Variants in ZCWPW2 observed in about 807,000 individuals in gnomAD.
The protein encoded by ZCWPW2 is zinc finger CW-type PWWP domain protein 2.
In ZCWPW2, 45 loss-of-function variants were observed where a neutral mutation model predicts 46.6. The ratio of observed to expected loss-of-function variants is 0.96; its 90% CI spans 0.76 to 1.24. The LOEUF (loss-of-function observed/expected upper bound fraction) is 1.24, where lower values mean the gene tolerates loss of function less well. Ranked by LOEUF, ZCWPW2 falls within the 50% of genes most tolerant of loss-of-function variation. ZCWPW2 has a pLI of 0.00. For missense variants in ZCWPW2, 429 were observed against 403.9 expected (o/e 1.06, Z -0.53); for synonymous variants, 152 against 137.1 (o/e 1.11, Z -0.76).
At chr3:28,423,627 A>G (rs2125750677) in intron 3 of ZCWPW2, among the ~76,000 whole-genome samples, 1 of 151,798 alleles carries the variant, frequency 6.6e-6, no homozygotes, top group African/African-American at 2.4e-5. Flanking sequence ...CGGCCTCCCA[A>G]AGTGCTGGAA....
At chr3:28,445,370 C>A (rs989586702) in intron 4 of ZCWPW2, among the ~76,000 whole-genome samples, 3 of 151,764 alleles carry the variant, frequency 2.0e-5, no homozygotes, top group African/African-American at 7.3e-5. Context: ...TATTTTTGGG[C>A]AAACAACATA....
At chr3:28,490,329 A>T (rs1482368128) in intron 5 of ZCWPW2, among the ~76,000 whole-genome samples, 1 of 152,142 alleles carries the variant, frequency 6.6e-6, no homozygotes, top group Non-Finnish European at 1.5e-5. Context: ...ATCTATACCC[A>T]AAGAAATATA....
intron 2 of ZCWPW2, among the ~76,000 whole-genome samples, chr3:28,401,881 A>G (rs1463062720): frequency 6.6e-6 from 1 of 152,084 alleles, no homozygotes; most frequent in Admixed American, 6.5e-5. Flanking sequence ...ATAAACGACC[A>G]TAGTGATACA....
At chr3:28,421,915 T>G (rs963761492) in intron 3 of ZCWPW2, among the ~76,000 whole-genome samples, 1 of 150,912 alleles carries the variant, frequency 6.6e-6, no homozygotes, top group Admixed American at 6.6e-5. Flanking sequence ...TCCAGAGCCC[T>G]TATTTTATTG....
intron 1 of ZCWPW2, among the ~76,000 whole-genome samples, chr3:28,351,415 T>A (rs1248019976): frequency 6.6e-6 from 1 of 151,620 alleles, no homozygotes; most frequent in African/African-American, 2.4e-5. Context: ...TAGCTTGGAC[T>A]TCAAAGCAAT....
chr3:28,495,115 C>T (rs962100488), intron 6 of ZCWPW2, among the ~76,000 whole-genome samples: 9 of 151,198 alleles, frequency 6.0e-5, no homozygotes, highest in East Asian at 2.0e-4. Context: ...GAGCCCGCAT[C>T]GCCAAGTCAA....
chr3:28,369,143 T>C (rs1012645202), intron 1 of ZCWPW2, among the ~76,000 whole-genome samples: 1 of 152,146 alleles, frequency 6.6e-6, no homozygotes. Context: ...TCATCTGAAG[T>C]CTTCTTCTCT....
At chr3:28,447,464 A>G (rs1358250655) in intron 4 of ZCWPW2, among the ~76,000 whole-genome samples, 1 of 150,140 alleles carries the variant, frequency 6.7e-6, no homozygotes, top group Non-Finnish European at 1.5e-5. Context: ...TCATGATTTA[A>G]AAAAAAAAAC....
chr3:28,459,220 A>G (rs920334424), intron 4 of ZCWPW2, among the ~76,000 whole-genome samples: 1 of 152,090 alleles, frequency 6.6e-6, no homozygotes, highest in Non-Finnish European at 1.5e-5. Context: ...AATACAAAAA[A>G]TTAGCCAGGC....
intron 5 of ZCWPW2, 124 bp from the exon 6 acceptor site, chr3:28,492,003 A>G: frequency 1.1e-6 from 1 of 939,496 alleles, no homozygotes; most frequent in Non-Finnish European, 1.6e-6. Context: ...TAAAGGGACA[A>G]CGGGAACAAA....
intron 7 of ZCWPW2, among the ~76,000 whole-genome samples, chr3:28,514,538 T>C (rs1700513973): frequency 6.6e-6 from 1 of 152,196 alleles, no homozygotes; most frequent in East Asian, 1.9e-4. Context: ...GAGCTGGGCT[T>C]TATTGGAAAC....
intron 9 of ZCWPW2, among the ~76,000 whole-genome samples, chr3:28,523,387 AT>A (rs1237839117): frequency 6.6e-6 from 1 of 152,152 alleles, no homozygotes; most frequent in Non-Finnish European, 1.5e-5. Flanking sequence ...AAGTAATCAC[AT>A]GTTGGATTTC....
At chr3:28,362,060 G>T (rs922429581) in intron 1 of ZCWPW2, among the ~76,000 whole-genome samples, 6 of 152,102 alleles carry the variant, frequency 3.9e-5, no homozygotes, top group Non-Finnish European at 8.8e-5. Flanking sequence ...ATCTGGAAGA[G>T]ATATCTATAT....
intron 4 of ZCWPW2, among the ~76,000 whole-genome samples, chr3:28,443,556 TTAAC>T (rs952256814): frequency 5.2e-5 from 7 of 134,924 alleles, no homozygotes; most frequent in African/African-American, 1.7e-4. Context: ...AACATTGTGA[TTAAC>T]TAGCCAATAC....
intron 3 of ZCWPW2, among the ~76,000 whole-genome samples, chr3:28,426,244 GT>G (rs1166360511): frequency 2.0e-5 from 3 of 151,584 alleles, no homozygotes; most frequent in Non-Finnish European, 2.9e-5. Context: ...AAGCAGTCTT[GT>G]TTTTTTAAAA....
intron 4 of ZCWPW2, among the ~76,000 whole-genome samples, chr3:28,437,842 C>T (rs1384502101): frequency 6.6e-6 from 1 of 152,138 alleles, no homozygotes; most frequent in Non-Finnish European, 1.5e-5. Flanking sequence ...AGATGGGATT[C>T]TGGGAAGATG....
intron 2 of ZCWPW2, among the ~76,000 whole-genome samples, chr3:28,399,235 G>A (rs1429500165): frequency 6.6e-6 from 1 of 152,054 alleles, no homozygotes; most frequent in Non-Finnish European, 1.5e-5. Flanking sequence ...TAACTGCTTT[G>A]ACCTGGGAAC....
chr3:28,441,059 T>G (rs964200377), intron 4 of ZCWPW2, among the ~76,000 whole-genome samples: 25 of 152,118 alleles, frequency 1.6e-4, no homozygotes, highest in African/African-American at 6.0e-4. Context: ...ATAACCTCCA[T>G]CCCTGCCACC....
chr3:28,411,282 T>C (rs1320542245), intron 2 of ZCWPW2, among the ~76,000 whole-genome samples: 2 of 151,870 alleles, frequency 1.3e-5, no homozygotes, highest in African/African-American at 4.8e-5. Flanking sequence ...TCCATATATT[T>C]ATCTCAGTAT....
Sources: gnomAD v4.1 joint callset for allele counts (sites outside exome capture counted in the v4.1 genomes callset) on GRCh38, gnomAD v4.1.1 for gene constraint, MANE v1.5 for transcripts, NCBI Gene and HGNC (gene_info 2026-07-23, HGNC 2026-07-21) for gene names.